PRTG: variants seen among roughly 807,000 people sequenced by gnomAD.
PRTG encodes the protein protogenin, also known as immunoglobulin superfamily, DCC subclass, member 5.
A neutral mutation model predicts 122.5 loss-of-function variants in PRTG; 67 were observed. The ratio of observed to expected loss-of-function variants is 0.55; its 90% confidence interval spans 0.45 to 0.67. PRTG has a LOEUF of 0.67. PRTG is among the 30% of genes least tolerant of loss of function. The pLI is 0.00. For synonymous variants in PRTG, 554 were observed against 501.1 expected, an observed-to-expected ratio of 1.11 and a Z score of -1.41; for missense variants, 1,435 against 1,415.4, an observed-to-expected ratio of 1.01 and a Z score of -0.22.
chr15:55,694,385 G>A (rs2059621069), intron 2 of PRTG, among the ~76,000 whole-genome samples: 1 of 151,854 alleles, frequency 6.6e-6, no homozygotes, highest in Non-Finnish European at 1.5e-5. Flanking sequence ...ATTTTTATCT[G>A]CCTTTTTAGT....
At chr15:55,741,844 C>T (rs1209863799) in intron 1 of PRTG, among the ~76,000 whole-genome samples, 1 of 152,164 alleles carries the variant, frequency 6.6e-6, no homozygotes, top group Non-Finnish European at 1.5e-5. Context: ...CGGAAGGCGC[C>T]CATTGTGTTT....
At chr15:55,676,165 G>T (rs1205069931) in intron 8 of PRTG, among the ~76,000 whole-genome samples, 2 of 151,986 alleles carry the variant, frequency 1.3e-5, no homozygotes, top group Non-Finnish European at 2.9e-5. Context: ...TGCCCCTAGA[G>T]ATTCTATTAA....
intron 2 of PRTG, among the ~76,000 whole-genome samples, chr15:55,734,437 A>C (rs1268916665): frequency 6.6e-6 from 1 of 152,124 alleles, no homozygotes; most frequent in African/African-American, 2.4e-5. Flanking sequence ...ATATTGCTTC[A>C]AGAAGTAAGC....
chr15:55,728,891 A>G (rs1047616445), intron 2 of PRTG, among the ~76,000 whole-genome samples: 2 of 152,386 alleles, frequency 1.3e-5, no homozygotes, highest in South Asian at 2.1e-4. Context: ...AAATGAATTC[A>G]GAAGAGTTTT....
chr15:55,710,571 G>A (rs1337638724), intron 2 of PRTG, among the ~76,000 whole-genome samples: 8 of 152,154 alleles, frequency 5.3e-5, no homozygotes, highest in African/African-American at 1.9e-4. Flanking sequence ...TAGGCTGTGA[G>A]TACATTATAA....
chr15:55,671,128 T>A (rs1394592287), intron 11 of PRTG, among the ~76,000 whole-genome samples: 1 of 152,214 alleles, frequency 6.6e-6, no homozygotes, highest in Non-Finnish European at 1.5e-5. Context: ...TCCCTGCATC[T>A]GAAAACAGTC....
intron 2 of PRTG, among the ~76,000 whole-genome samples, chr15:55,732,476 C>T (rs1018576222): frequency 6.7e-6 from 1 of 148,824 alleles, no homozygotes; most frequent in South Asian, 2.2e-4. Context: ...TGAGCAACTG[C>T]GCCTGGCCAG....
intron 18 of PRTG, among the ~76,000 whole-genome samples, chr15:55,621,354 AAAAAC>A (rs990153907): frequency 4.0e-5 from 6 of 151,702 alleles, no homozygotes; most frequent in African/African-American, 1.5e-4. Context: ...CCGTCTCAAA[AAAAAC>A]AAAACAAAAC....
intron 11 of PRTG, among the ~76,000 whole-genome samples, chr15:55,658,232 C>T (rs1461162229): frequency 6.6e-6 from 1 of 152,130 alleles, no homozygotes; most frequent in African/African-American, 2.4e-5. Flanking sequence ...AGGATTTCTC[C>T]AGCTTTTCCA....
chr15:55,672,613 G>T lies in PRTG; in HGVS notation c.1873C>A (p.His625Asn), dbSNP rs1414829904. ...GTGGTACAGTTCAGAGGCTCCAAAT[G>T]CAACTCTGGAGACTTAGGGGCTAGC... The part of the protein sequence containing the change: ...SVKAPKSPEL[H>N]LEPLNCTTIS... The change falls in exon 11 of 20, where the codon CAT becomes AAT. Residue 625 changes from histidine (H) to asparagine (N), a missense_variant. Transcript: ENST00000389286. 1.2e-6 allele frequency: 2 copies of T among 1,613,238 alleles called. No individual in the cohort carries two copies. The highest frequency in any genetic ancestry group is 1.7e-6 in the Non-Finnish European group (2 of 1,179,786).
chr15:55,734,675 CATG>C (rs2031353531), intron 2 of PRTG, among the ~76,000 whole-genome samples: 1 of 151,878 alleles, frequency 6.6e-6, no homozygotes, highest in Non-Finnish European at 1.5e-5. Flanking sequence ...TTTTTAAATT[CATG>C]CCTTCTGCTC....
intron 2 of PRTG, among the ~76,000 whole-genome samples, chr15:55,725,028 G>A (rs1595679008): frequency 1.3e-5 from 2 of 152,190 alleles, no homozygotes; most frequent in Admixed American, 6.5e-5. Flanking sequence ...AAAGCCAGCA[G>A]TATTGTATTT....
At chr15:55,629,918 A>G (rs954176598) in intron 15 of PRTG, among the ~76,000 whole-genome samples, 13 of 151,000 alleles carry the variant, frequency 8.6e-5, no homozygotes, top group Non-Finnish European at 1.9e-4. Flanking sequence ...CCTGGGTTCA[A>G]GCAATTCTCC....
At chr15:55,677,669 T>C (rs2059510485) in intron 8 of PRTG, 128 bp downstream of exon 8, 1 of 780,364 alleles carries the variant, frequency 1.3e-6, no homozygotes, top group Non-Finnish European at 2.0e-6. Context: ...TAGATTATTT[T>C]ATCAAAGAAG....
At chr15:55,651,058 T>G (rs928953600) in intron 11 of PRTG, among the ~76,000 whole-genome samples, 3 of 152,140 alleles carry the variant, frequency 2.0e-5, no homozygotes, top group African/African-American at 7.2e-5. Flanking sequence ...GGGTTGTCCT[T>G]CAGTTCCAAG....
intron 11 of PRTG, among the ~76,000 whole-genome samples, chr15:55,671,326 T>C (rs1286338393): frequency 1.3e-5 from 2 of 152,164 alleles, no homozygotes; most frequent in Admixed American, 6.5e-5. Flanking sequence ...TCCTAATATG[T>C]CCAGAAGGTG....
At chr15:55,713,325 C>A (rs74365936) in intron 2 of PRTG, among the ~76,000 whole-genome samples, 19,129 of 152,114 alleles carry the variant, frequency 0.13, 1,500 homozygotes, top group East Asian at 0.35. Context: ...ATTAATTTAA[C>A]TATATGTAGC....
intron 2 of PRTG, among the ~76,000 whole-genome samples, chr15:55,698,219 T>C (rs527683977): frequency 6.6e-6 from 1 of 152,312 alleles, no homozygotes; most frequent in African/African-American, 2.4e-5. Context: ...TCCTAAAAAG[T>C]AGCATCTAGA....
chr15:55,672,905 T>C (rs1317020992), intron 10 of PRTG, among the ~76,000 whole-genome samples: 2 of 152,176 alleles, frequency 1.3e-5, no homozygotes, highest in African/African-American at 4.8e-5. Flanking sequence ...AAATACTTTC[T>C]AATTTTGGCC....
Sources: allele counts gnomAD v4.1 joint callset (sites outside exome capture counted in the v4.1 genomes callset), GRCh38; gene constraint gnomAD v4.1.1; transcripts MANE v1.5; gene names NCBI Gene and HGNC (gene_info 2026-07-23, HGNC 2026-07-21).